Variants in CCDC127 observed in about 807,000 individuals in gnomAD.
CCDC127 encodes coiled-coil domain containing 127.
A neutral mutation model predicts 4.1 loss-of-function variants in CCDC127; 2 were observed. That is an observed-to-expected ratio of 0.49 (90% CI 0.20 to 1.53). CCDC127 has a LOEUF of 1.53. Among genes scored for constraint, CCDC127 ranks in the 40% most tolerant of loss-of-function variants. The pLI, the probability that CCDC127 is intolerant of heterozygous loss-of-function variation, is 0.23. For missense variants in CCDC127, 271 were observed against 322.9 expected (o/e 0.84, Z 1.23); for synonymous variants, 98 against 120.4 (o/e 0.81, Z 1.22).
At chr5:216,640 C>T in intron 2 of CCDC127, 89 bp downstream of exon 2, 2 of 1,489,634 alleles carry the variant, frequency 1.3e-6, no homozygotes, top group Non-Finnish European at 1.8e-6. Context: ...AAGTCACGGC[C>T]TTCAGGCTCC....
In CCDC127 at chr5:202,618, C is replaced by T. The variant is rs72720493; in HGVS notation, c.*2679G>A. 0.11 allele frequency: 16,117 copies of T among 152,284 alleles called. 1,048 individuals carry two copies. Among genetic ancestry groups the T allele is most frequent in the Non-Finnish European group, 0.12 (8,490 of 68,052 alleles). 9.4% of individuals were successfully genotyped at this position (152,284 alleles called of 1,614,324 possible). ...GCTCGTCTTCCTAACTCTGCAGGAC[C>T]GGGTCAGCGGGTCAGTGTCCACACC... On this transcript the variant is annotated 3_prime_UTR_variant, in exon 3 of 3. Coordinates refer to ENST00000296824, the MANE Select transcript of CCDC127 (RefSeq NM_145265.3).
chr5:205,713 C>A lies in CCDC127; in HGVS notation c.367G>T (p.Glu123Ter), dbSNP rs201139003. 302 of 1,614,072 alleles carry A rather than the reference C, an allele frequency of 1.9e-4. No individual in the cohort carries two copies. The highest frequency in any genetic ancestry group is 2.2e-4 in the Non-Finnish European group (265 of 1,180,048). Residue 123 changes from glutamate (E) to a stop codon, truncating the protein, a stop_gained, in exon 3 of 3, where the codon GAA becomes TAA. Coordinates refer to ENST00000296824, the MANE Select transcript of CCDC127 (RefSeq NM_145265.3). LOFTEE classifies it low-confidence loss of function (END_TRUNC). Reference sequence around the variant, plus strand: ...TTTTCTTGCATCACCTGGGCCCGTTCCTGTTCCAGAAGCTTCTTTTCTTCT... The same window carrying A: ...TTTTCTTGCATCACCTGGGCCCGTTACTGTTCCAGAAGCTTCTTTTCTTCT... ...LVEEKKLLEQERAQVMQEKRQ... is the reference protein window; with the variant it reads ...LVEEKKLLEQ
Position 197,802 on chromosome 5 carries a change from C to G in CCDC127, c.*7495G>C, listed in dbSNP as rs1733995802. 6.6e-6 allele frequency: 1 copy of G among 150,396 alleles called. No homozygotes were observed. Among genetic ancestry groups the G allele is most frequent in the Non-Finnish European group, 1.5e-5 (1 of 67,380 alleles). The allele number at this position is 150,396 out of a possible 1,614,324, so 9.3% of individuals were successfully genotyped here. A position where few individuals can be genotyped will look rare whatever the true frequency, so the allele number is the denominator to read the frequency against. ...CTACACCGCTGCCCCGTATCACCCC[C>G]TCCCGGAGTGTGTCCCCACCCCAGT... On this transcript the variant is annotated 3_prime_UTR_variant, in exon 3 of 3. Transcript: ENST00000296824.
At chr5:208,193 A>G (rs1734215156) in intron 2 of CCDC127, among the ~76,000 whole-genome samples, 1 of 152,148 alleles carries the variant, frequency 6.6e-6, no homozygotes, top group Non-Finnish European at 1.5e-5. Flanking sequence ...TAAACTAAAA[A>G]TCCTGGACAT....
In CCDC127 at chr5:218,082, G is replaced by C; in HGVS notation, c.-11+11C>G. The C allele has an allele frequency of 1.7e-6, 2 of 1,176,432 alleles. No homozygotes were observed. Among genetic ancestry groups the C allele is most frequent in the Non-Finnish European group, 2.1e-6 (2 of 950,242 alleles). The allele number at this position is 1,176,432 out of a possible 1,614,324, so 72.9% of individuals were successfully genotyped here. On this transcript the variant is annotated intron_variant, in intron 1 of 2. Coordinates refer to ENST00000296824, the MANE Select transcript of CCDC127 (RefSeq NM_145265.3). ...GTGCCCACCACCTCCCCGGAACAGG[G>C]CCCGCTCTACCTCGGTCGGGGAGCG... is the stretch of plus-strand genomic sequence containing the variant.
At chr5:211,141 T>C (rs67772232) in intron 2 of CCDC127, among the ~76,000 whole-genome samples, 21 of 89,770 alleles carry the variant, frequency 2.3e-4, no homozygotes, top group Middle Eastern at 7.5e-3. Flanking sequence ...GCAGCCACGA[T>C]GAGACAGCAC....
At chr5:217,570 G>C (rs1231205594) in intron 1 of CCDC127, among the ~76,000 whole-genome samples, 5 of 152,098 alleles carry the variant, frequency 3.3e-5, no homozygotes, top group Admixed American at 2.0e-4. Flanking sequence ...GCAGCATTTT[G>C]ACAGGCAGAG....
chr5:207,549 C>T (rs573024756), intron 2 of CCDC127, among the ~76,000 whole-genome samples: 3 of 152,214 alleles, frequency 2.0e-5, no homozygotes, highest in Admixed American at 6.5e-5. Context: ...AAAAGTCACC[C>T]GAAATTAAAC....
In CCDC127 at chr5:203,405, T is replaced by C. The variant is rs1734108309; in HGVS notation, c.*1892A>G. 1 of 152,184 alleles carries C rather than the reference T, an allele frequency of 6.6e-6. No homozygotes were observed. Among genetic ancestry groups the C allele is most frequent in the Non-Finnish European group, 1.5e-5 (1 of 68,036 alleles). The allele number at this position is 152,184 out of a possible 1,614,324, so 9.4% of individuals were successfully genotyped here. On this transcript the variant is annotated 3_prime_UTR_variant, in exon 3 of 3. Transcript: ENST00000296824. Reference sequence around the variant, plus strand: ...GCATCTGAGCACCCTTAGCAGGGCGTGGGTGCCGAGAGCAGAGCATGGCAG... The same window carrying C: ...GCATCTGAGCACCCTTAGCAGGGCGCGGGTGCCGAGAGCAGAGCATGGCAG...
intron 2 of CCDC127, chr5:214,622 G>A (rs1734343117): frequency 6.6e-6 from 1 of 152,170 alleles, no homozygotes; most frequent in Non-Finnish European, 1.5e-5. Flanking sequence ...GCCCTCTGGA[G>A]TGCTGAAATA....
rs1734106749 is a variant in CCDC127 at position 203,318 on chromosome 5, T to C, written c.*1979A>G. ...AGCAGAGAGGCACGCTAGCAGCCAC[T>C]GAAGAAGAGAAGCATCTGAGCACCC... On this transcript the variant is annotated 3_prime_UTR_variant, in exon 3 of 3. Coordinates refer to ENST00000296824, the MANE Select transcript of CCDC127 (RefSeq NM_145265.3). The C allele has an allele frequency of 6.6e-6, 1 of 152,036 alleles. No homozygotes were observed. The highest frequency in any genetic ancestry group is 2.4e-5 in the African/African-American group (1 of 41,374). The allele number at this position is 152,036 out of a possible 1,614,324, so 9.4% of individuals were successfully genotyped here. A position where few individuals can be genotyped will look rare whatever the true frequency, so the allele number is the denominator to read the frequency against.
chr5:217,968 C>G (rs147928026), intron 1 of CCDC127, 125 bp downstream of exon 1: 17 of 482,388 alleles, frequency 3.5e-5, no homozygotes, highest in Non-Finnish European at 4.5e-5. Flanking sequence ...CGAGCGCCCC[C>G]CTCCGACCCC....
rs1481110145 is a variant in CCDC127, at chr5:197,963, TGTCACCCCACCCCAGCTGCCCCCAG to T, written c.*7309_*7333del. On this transcript the variant is annotated 3_prime_UTR_variant, in exon 3 of 3. Transcript: ENST00000296824. The stretch of plus-strand genomic sequence containing the variant: ...TGTGTCCCCACCCCAATGGTCCCCG[TGTCACCCCACCCCAGCTGCCCCCAG>T]GTCACCCCCACCCAGGTTTGTCTCC... 2 of 141,232 alleles carry T rather than the reference TGTCACCCCACCCCAGCTGCCCCCAG, an allele frequency of 1.4e-5. No homozygotes were observed. Among genetic ancestry groups the T allele is most frequent in the Non-Finnish European group, 3.1e-5 (2 of 65,278 alleles). 8.7% of individuals were successfully genotyped at this position (141,232 alleles called of 1,614,324 possible). A position where few individuals can be genotyped will look rare whatever the true frequency, so the allele number is the denominator to read the frequency against.
intron 2 of CCDC127, among the ~76,000 whole-genome samples, chr5:210,098 C>G (rs1352530330): frequency 1.3e-5 from 2 of 152,186 alleles, no homozygotes; most frequent in African/African-American, 4.8e-5. Flanking sequence ...AAATCAAAGG[C>G]AAACAGGCTG....
At chr5:208,547 C>T (rs937879293) in intron 2 of CCDC127, among the ~76,000 whole-genome samples, 3 of 152,244 alleles carry the variant, frequency 2.0e-5, no homozygotes, top group African/African-American at 7.2e-5. Context: ...CTGAGGCTCC[C>T]ACTCCCACCC....
At position 205,766 on chromosome 5, in the gene CCDC127, G is replaced by T; in HGVS notation, c.314C>A (p.Ala105Asp). 1 of 1,614,104 alleles carries T rather than the reference G, an allele frequency of 6.2e-7. No individual in the cohort carries two copies. Among genetic ancestry groups the T allele is most frequent in the Non-Finnish European group, 8.5e-7 (1 of 1,180,004 alleles). ...EQNRTASYRE[A>D]LISQGRKLVE... The stretch of plus-strand genomic sequence containing the variant: ...CAACTTGCGTCCCTGAGAGATAAGG[G>T]CTTCTCGGTAACTAGCAGTTCTGTT... The change falls in exon 3 of 3, where the codon GCC becomes GAC. Residue 105 changes from alanine to aspartate, a missense_variant. Physicochemically the swap from Ala to Asp is moderately radical, Grantham distance 126. Around this residue, in one of 2 missense-constraint regions of CCDC127, gnomAD observed 265 missense variants for 270.9 expected, o/e 0.98. Coordinates refer to ENST00000296824, the MANE Select transcript of CCDC127 (RefSeq NM_145265.3).
At chr5:217,966 C>A in intron 1 of CCDC127, 127 bp downstream of exon 1, 1 of 454,896 alleles carries the variant, frequency 2.2e-6, no homozygotes, top group African/African-American at 2.1e-5. Context: ...GACGAGCGCC[C>A]CCCTCCGACC....
rs1734001236 is a variant in CCDC127 at position 198,033 on chromosome 5, C to T, written c.*7264G>A. 1 of 152,528 alleles carries T rather than the reference C, an allele frequency of 6.6e-6. No individual in the cohort carries two copies. Among genetic ancestry groups the T allele is most frequent in the Non-Finnish European group, 1.5e-5 (1 of 68,386 alleles). 9.4% of individuals were successfully genotyped at this position (152,528 alleles called of 1,614,324 possible). ...GTCTCCATCCCCTTTCTCCTTCTGC[C>T]CCTGGTGTGTCCAGGCCCTTCTCTG... On this transcript the variant is annotated 3_prime_UTR_variant, in exon 3 of 3. Transcript: ENST00000296824.
intron 2 of CCDC127, among the ~76,000 whole-genome samples, chr5:207,866 A>C (rs1427784868): frequency 6.6e-6 from 1 of 152,214 alleles, no homozygotes; most frequent in African/African-American, 2.4e-5. Context: ...GGACGATCTC[A>C]GTCGAGTCAC....
Sources: allele counts gnomAD v4.1 joint callset (sites outside exome capture counted in the v4.1 genomes callset), GRCh38; gene constraint gnomAD v4.1.1; regional missense constraint gnomAD v4.1.1; transcripts MANE v1.5; gene names NCBI Gene and HGNC (gene_info 2026-07-23, HGNC 2026-07-21).